The following CSGALNACT2 variants were observed in gnomAD, a reference collection of about 807,000 sequenced individuals.
CSGALNACT2 encodes beta 4 GalNAcT-2.
A neutral mutation model predicts 55.3 loss-of-function variants in CSGALNACT2; 35 were observed. That is an observed-to-expected ratio of 0.63 (90% CI 0.48 to 0.84). The LOEUF is 0.84. CSGALNACT2 is among the 40% of genes least tolerant of loss of function. The probability of loss-of-function intolerance (pLI) is 0.00; values close to 1 mark genes in which losing one functional copy is unlikely to be tolerated. For missense variants in CSGALNACT2, 544 were observed against 657.5 expected (o/e 0.83, Z 1.89); for synonymous variants, 196 against 224.9 (o/e 0.87, Z 1.15).
rs1279757022 is a variant in CSGALNACT2, at chr10:43,184,536, AAG to A, written c.*997_*998del. ...ATTACTATAATACTTTGAGTTGAAAAAGAGTTTCATTGTGGAGAGAAAAAGCA... is the reference window on the plus strand; with the variant it reads ...ATTACTATAATACTTTGAGTTGAAAAAGTTTCATTGTGGAGAGAAAAAGCA... On this transcript the variant is annotated 3_prime_UTR_variant, in exon 8 of 8. Coordinates refer to ENST00000374466, the MANE Select transcript of CSGALNACT2 (RefSeq NM_018590.5). 5 of 152,226 alleles carry A rather than the reference AAG, an allele frequency of 3.3e-5. No homozygotes were observed. Among genetic ancestry groups the A allele is most frequent in the South Asian group, 2.1e-4 (1 of 4,830 alleles). The allele number at this position is 152,226 out of a possible 1,614,324, so 9.4% of individuals were successfully genotyped here.
chr10:43,165,510 G>C (rs919513222), intron 5 of CSGALNACT2, among the ~76,000 whole-genome samples: 1 of 152,102 alleles, frequency 6.6e-6, no homozygotes, highest in African/African-American at 2.4e-5. Flanking sequence ...ATTGGGGTGG[G>C]GGGGTGCTGC....
At position 43,155,353 on chromosome 10, in the gene CSGALNACT2, T is replaced by C. The variant is rs200443486; in HGVS notation, c.204T>C (p.Tyr68=). 3 of 1,614,058 alleles carry C rather than the reference T, an allele frequency of 1.9e-6. No homozygotes were observed. The highest frequency in any genetic ancestry group is 2.5e-6 in the Non-Finnish European group (3 of 1,180,028). The change falls in exon 2 of 8, where the codon TAT becomes TAC. Residue 68 remains tyrosine, a synonymous_variant. Transcript: ENST00000374466. ...QALLQEQEEH[Y]QTRATSLKRQ... is the part of the protein sequence containing the mutation. ...TCCTACAGGAACAAGAAGAACATTATCAGACCAGGGCAACCAGTCTGAAAC... is the reference window on the plus strand; with the variant it reads ...TCCTACAGGAACAAGAAGAACATTACCAGACCAGGGCAACCAGTCTGAAAC...
chr10:43,147,835 A>G (rs1171915179), intron 1 of CSGALNACT2, among the ~76,000 whole-genome samples: 1 of 150,260 alleles, frequency 6.7e-6, no homozygotes, highest in Non-Finnish European at 1.5e-5. Flanking sequence ...ATGATTTACA[A>G]ATGTTCTCTA....
intron 7 of CSGALNACT2, among the ~76,000 whole-genome samples, chr10:43,179,871 G>T (rs550966426): frequency 4.9e-4 from 74 of 152,260 alleles, no homozygotes; most frequent in African/African-American, 1.8e-3. Context: ...TTTTCAAGAG[G>T]CTGGAACTTC....
intron 1 of CSGALNACT2, among the ~76,000 whole-genome samples, chr10:43,146,623 G>T (rs1406243293): frequency 6.6e-6 from 1 of 152,058 alleles, no homozygotes; most frequent in South Asian, 2.1e-4. Flanking sequence ...CCAGATACTC[G>T]GGAAGCTGAG....
intron 7 of CSGALNACT2, among the ~76,000 whole-genome samples, chr10:43,176,293 A>G (rs978733725): frequency 6.6e-6 from 1 of 152,202 alleles, no homozygotes; most frequent in Non-Finnish European, 1.5e-5. Flanking sequence ...TATCTGTTTA[A>G]CTTGTTACCC....
rs1839208486 is a variant in CSGALNACT2 at position 43,164,037 on chromosome 10, T to A, written c.1152T>A (p.Ala384=). 1 of 1,612,096 alleles carries A rather than the reference T, an allele frequency of 6.2e-7. No homozygotes were observed. Among genetic ancestry groups the A allele is most frequent in the Non-Finnish European group, 8.5e-7 (1 of 1,178,808 alleles). The change falls in exon 5 of 8, where the codon GCT becomes GCA. Residue 384 remains alanine, a synonymous_variant. Transcript: ENST00000374466. ...AEFLNSCRLN[A]EPGKKVFYPV... ...TCCTTAACAGCTGCCGGTTAAATGC[T>A]GAGCCAGGTGCGTAAAATGTTGGTA...
At chr10:43,151,536 G>C (rs1319849393) in intron 1 of CSGALNACT2, among the ~76,000 whole-genome samples, 1 of 152,098 alleles carries the variant, frequency 6.6e-6, no homozygotes, top group South Asian at 2.1e-4. Context: ...TGGGTTCTGT[G>C]TCCTCTAATT....
At chr10:43,181,572 C>A (rs1839589233) in intron 7 of CSGALNACT2, among the ~76,000 whole-genome samples, 1 of 151,864 alleles carries the variant, frequency 6.6e-6, no homozygotes, top group African/African-American at 2.4e-5. Context: ...TTCAGAGATC[C>A]CCAGATTATT....
chr10:43,145,036 T>C (rs1439545816), intron 1 of CSGALNACT2, among the ~76,000 whole-genome samples: 4 of 152,242 alleles, frequency 2.6e-5, no homozygotes, highest in African/African-American at 9.6e-5. Context: ...TACTACAGTT[T>C]GTCCATTCAC....
At chr10:43,144,094 A>AC (rs1471914102) in intron 1 of CSGALNACT2, among the ~76,000 whole-genome samples, 1 of 152,208 alleles carries the variant, frequency 6.6e-6, no homozygotes, top group Non-Finnish European at 1.5e-5. Flanking sequence ...AATGAACTCA[A>AC]AATTATAAAT....
intron 7 of CSGALNACT2, among the ~76,000 whole-genome samples, chr10:43,180,411 A>G (rs983575171): frequency 1.3e-5 from 2 of 152,162 alleles, no homozygotes; most frequent in Non-Finnish European, 2.9e-5. Context: ...AACCCATCTA[A>G]GGCATTCATT....
At position 43,164,330 on chromosome 10, in the gene CSGALNACT2, G is replaced by T. The variant is rs536654358; in HGVS notation, c.1159+286G>T. 3.9e-5 allele frequency among the ~76,000 whole-genome samples: 6 copies of T among 152,314 alleles called. No individual in the cohort carries two copies. The East Asian group carries it at 1.2e-3, about 29-fold the overall frequency. On this transcript the variant is annotated intron_variant, in intron 5 of 7. Transcript: ENST00000374466. ...GTATCTACAAATTGATGAGGTGGGAGCAGTGCAGGTCAGAAAAAGAGCTAA... is the reference window on the plus strand; with the variant it reads ...GTATCTACAAATTGATGAGGTGGGATCAGTGCAGGTCAGAAAAAGAGCTAA...
intron 6 of CSGALNACT2, among the ~76,000 whole-genome samples, chr10:43,169,577 A>G (rs1280745190): frequency 1.3e-5 from 2 of 152,244 alleles, no homozygotes; most frequent in African/African-American, 4.8e-5. Flanking sequence ...CTGGACACGT[A>G]AAGTTCACGA....
intron 2 of CSGALNACT2, among the ~76,000 whole-genome samples, chr10:43,158,411 A>G (rs1564514281): frequency 6.6e-6 from 1 of 152,172 alleles, no homozygotes; most frequent in Non-Finnish European, 1.5e-5. Context: ...TTCTTTATTT[A>G]TCATGATTAC....
intron 6 of CSGALNACT2, among the ~76,000 whole-genome samples, chr10:43,170,978 G>C (rs1298833718): frequency 1.3e-5 from 2 of 152,162 alleles, no homozygotes; most frequent in African/African-American, 4.8e-5. Flanking sequence ...AACCATCATA[G>C]CCAAGAGGAG....
In CSGALNACT2 at chr10:43,183,750, T is replaced by C; in HGVS notation, c.*208T>C. On this transcript the variant is annotated 3_prime_UTR_variant, in exon 8 of 8. Transcript: ENST00000374466. The stretch of plus-strand genomic sequence containing the variant: ...TCTGTTTTGTGAGAATACTGCACTA[T>C]GGAATAATTGACAAATTGAAATCTC... 1 of 572,704 alleles carries C rather than the reference T, an allele frequency of 1.7e-6. No homozygotes were observed. The highest frequency in any genetic ancestry group is 3.1e-6 in the Non-Finnish European group (1 of 322,386). 35.5% of individuals were successfully genotyped at this position (572,704 alleles called of 1,614,324 possible). A position where few individuals can be genotyped will look rare whatever the true frequency, so the allele number is the denominator to read the frequency against.
intron 6 of CSGALNACT2, 83 bp from the exon 7 acceptor site, chr10:43,175,868 G>C (rs1445187279): frequency 2.5e-6 from 3 of 1,216,314 alleles, no homozygotes; most frequent in Non-Finnish European, 3.5e-6. Context: ...GTATACATTA[G>C]AAAATAATTT....
chr10:43,180,058 T>C (rs1031078172), intron 7 of CSGALNACT2, among the ~76,000 whole-genome samples: 1 of 152,180 alleles, frequency 6.6e-6, no homozygotes, highest in Non-Finnish European at 1.5e-5. Flanking sequence ...ACCTCTGCCC[T>C]ATGAGCAGGA....
Sources: gnomAD v4.1 joint callset for allele counts (sites outside exome capture counted in the v4.1 genomes callset) on GRCh38, gnomAD v4.1.1 for gene constraint, MANE v1.5 for transcripts, NCBI Gene and HGNC (gene_info 2026-07-23, HGNC 2026-07-21) for gene names.